TRPM7: variants seen among roughly 807,000 people sequenced by gnomAD.
The protein encoded by TRPM7 is transient receptor potential cation channel subfamily M member 7.
TRPM7 carries 134 observed loss-of-function variants against 229.7 expected under a neutral mutation model. The observed-to-expected ratio is 0.58, with a 90% CI of 0.51 to 0.67. The LOEUF (loss-of-function observed/expected upper bound fraction) is 0.67, where lower values mean the gene tolerates loss of function less well. Among genes scored for constraint, TRPM7 ranks in the 30% least tolerant of loss-of-function variants. The pLI, the probability that TRPM7 is intolerant of heterozygous loss-of-function variation, is 0.00. For synonymous variants in TRPM7, 699 were observed against 715.2 expected (o/e 0.98, Z 0.36); for missense variants, 1,901 against 2,210.0 (o/e 0.86, Z 2.80).
At chr15:50,602,829 G>A (rs1347829277) in intron 21 of TRPM7, among the ~76,000 whole-genome samples, 4 of 152,132 alleles carry the variant, frequency 2.6e-5, no homozygotes, top group Admixed American at 1.3e-4. Context: ...ACACAATGAC[G>A]GAACAAATGA....
intron 12 of TRPM7, among the ~76,000 whole-genome samples, chr15:50,621,722 GT>G (rs1191842095): frequency 6.6e-6 from 1 of 151,910 alleles, no homozygotes; most frequent in Non-Finnish European, 1.5e-5. Flanking sequence ...CAATTTTTTT[GT>G]TTTCTTTAAA....
At chr15:50,676,500 C>G (rs567191065) in intron 1 of TRPM7, among the ~76,000 whole-genome samples, 3 of 152,040 alleles carry the variant, frequency 2.0e-5, no homozygotes, top group Non-Finnish European at 4.4e-5. Flanking sequence ...GGGAGGACTG[C>G]TTGAGGCCAG....
chr15:50,621,954 T>C (rs1209063104), intron 12 of TRPM7, among the ~76,000 whole-genome samples: 1 of 151,828 alleles, frequency 6.6e-6, no homozygotes, highest in Admixed American at 6.6e-5. Flanking sequence ...CGCTTGAACC[T>C]GGGAGGTGGA....
chr15:50,620,542 T>C (rs1044402567), intron 12 of TRPM7, among the ~76,000 whole-genome samples: 2 of 152,220 alleles, frequency 1.3e-5, no homozygotes, highest in Non-Finnish European at 2.9e-5. Context: ...TTTGATATTC[T>C]TGGCTTTCAA....
intron 27 of TRPM7, among the ~76,000 whole-genome samples, chr15:50,589,273 G>A (rs2059422724): frequency 7.8e-6 from 1 of 128,274 alleles, no homozygotes; most frequent in Admixed American, 1.0e-4. Flanking sequence ...AGTAAGCGGA[G>A]ATCACACCAC....
chr15:50,651,067 G>A (rs1012011006), intron 3 of TRPM7, among the ~76,000 whole-genome samples: 2 of 151,948 alleles, frequency 1.3e-5, no homozygotes, highest in East Asian at 3.9e-4. Flanking sequence ...CACGCCTGTA[G>A]TCCAAGCTAC....
intron 16 of TRPM7, 73 bp downstream of exon 16, chr15:50,612,476 C>A: frequency 7.4e-7 from 1 of 1,348,322 alleles, no homozygotes; most frequent in Non-Finnish European, 1.0e-6. Context: ...AAGTACGTGG[C>A]ACTGTAACAG....
At chr15:50,600,324 C>A (rs917519392) in intron 21 of TRPM7, among the ~76,000 whole-genome samples, 6 of 151,990 alleles carry the variant, frequency 3.9e-5, no homozygotes, top group Admixed American at 3.3e-4. Context: ...GTAATCCCAG[C>A]TACTCAAGAG....
intron 1 of TRPM7, among the ~76,000 whole-genome samples, chr15:50,675,470 G>A (rs951432237): frequency 1.3e-5 from 2 of 151,860 alleles, no homozygotes; most frequent in Admixed American, 6.6e-5. Flanking sequence ...CTTCCCACAC[G>A]TAGCATTCTC....
At chr15:50,650,463 G>A (rs916384086) in intron 3 of TRPM7, among the ~76,000 whole-genome samples, 1 of 152,170 alleles carries the variant, frequency 6.6e-6, no homozygotes, top group African/African-American at 2.4e-5. Flanking sequence ...GGGAAGCCAA[G>A]GTGGATGGAT....
chr15:50,609,983 T>G, intron 17 of TRPM7, 22 bp from the exon 18 acceptor site: 1 of 1,512,906 alleles, frequency 6.6e-7, no homozygotes, highest in Non-Finnish European at 8.9e-7. Context: ...GAAACATAAT[T>G]TTGCATTTAA....
rs530422108 is a variant in TRPM7 at position 50,561,111 on chromosome 15, T to G, written c.*567A>C. 6.5e-6 allele frequency: 1 copy of G among 152,694 alleles called. No homozygotes were observed. The highest frequency in any genetic ancestry group is 2.1e-4 in the South Asian group (1 of 4,826). The allele number at this position is 152,694 out of a possible 1,614,324, so 9.5% of individuals were successfully genotyped here. ...TAAATACCGTCCCTCTTGAAAATGG[T>G]CTTCAGTTCAGGCTTCTCATACCTC... On this transcript the variant is annotated 3_prime_UTR_variant, in exon 39 of 39. Coordinates refer to ENST00000646667, the MANE Select transcript of TRPM7 (RefSeq NM_017672.6).
At chr15:50,664,243 G>C (rs2061819373) in intron 1 of TRPM7, among the ~76,000 whole-genome samples, 1 of 150,310 alleles carries the variant, frequency 6.7e-6, no homozygotes, top group Non-Finnish European at 1.5e-5. Flanking sequence ...CAGGGAGTCG[G>C]AGGTTGCAGT....
chr15:50,564,667 T>A (rs2053511005), intron 38 of TRPM7, among the ~76,000 whole-genome samples: 2 of 152,214 alleles, frequency 1.3e-5, no homozygotes, highest in Non-Finnish European at 2.9e-5. Context: ...TAACTGATAC[T>A]CAGAATATGA....
intron 28 of TRPM7, 118 bp from the exon 29 acceptor site, chr15:50,583,277 C>T: frequency 1.8e-6 from 1 of 553,446 alleles, no homozygotes; most frequent in Non-Finnish European, 3.1e-6. Context: ...CTCAACCTTT[C>T]CTCAACACGC....
chr15:50,643,804 TTC>T (rs1200602058), intron 4 of TRPM7, among the ~76,000 whole-genome samples: 1 of 152,212 alleles, frequency 6.6e-6, no homozygotes, highest in Non-Finnish European at 1.5e-5. Context: ...ATGTTACTCT[TTC>T]TGTTTAAACT....
chr15:50,567,424 C>T (rs80320962), intron 38 of TRPM7, among the ~76,000 whole-genome samples: 2,365 of 152,100 alleles, frequency 0.016, 65 homozygotes, highest in African/African-American at 0.055. Context: ...ATGGTAGGGA[C>T]AATATCAATT....
intron 38 of TRPM7, among the ~76,000 whole-genome samples, chr15:50,562,147 C>T (rs1177232657): frequency 5.3e-5 from 8 of 152,096 alleles, no homozygotes; most frequent in South Asian, 2.1e-4. Flanking sequence ...CCACCTGCCT[C>T]GGCCTCCCAA....
intron 22 of TRPM7, 87 bp from the exon 23 acceptor site, chr15:50,596,468 T>C: frequency 9.5e-7 from 1 of 1,049,910 alleles, no homozygotes; most frequent in Non-Finnish European, 1.3e-6. Context: ...TTCTGGTTAT[T>C]TATTTACTTA....
Sources: allele counts gnomAD v4.1 joint callset (sites outside exome capture counted in the v4.1 genomes callset), GRCh38; gene constraint gnomAD v4.1.1; transcripts MANE v1.5; gene names NCBI Gene and HGNC (gene_info 2026-07-23, HGNC 2026-07-21).